C5orf34: variants seen among roughly 807,000 people sequenced by gnomAD.
The protein encoded by C5orf34 is uncharacterized protein C5orf34.
Under a neutral mutation model 78.4 loss-of-function variants are expected in C5orf34, and 73 were observed. That is an observed-to-expected ratio of 0.93 (90% CI 0.77 to 1.13). The LOEUF (loss-of-function observed/expected upper bound fraction) is 1.13, where lower values mean the gene tolerates loss of function less well. C5orf34 is among the 50% of genes most tolerant of loss of function. The probability of loss-of-function intolerance (pLI) is 0.00; values close to 1 mark genes in which losing one functional copy is unlikely to be tolerated. For synonymous variants in C5orf34, 251 were observed against 246.6 expected (o/e 1.02, Z -0.17); for missense variants, 730 against 732.7 (o/e 1.00, Z 0.04).
chr5:43,508,663 G>A lies in C5orf34; in HGVS notation c.199C>T (p.Gln67Ter), dbSNP rs1272613848. The A allele has an allele frequency of 2.5e-6, 4 of 1,578,074 alleles. No homozygotes were observed. Among genetic ancestry groups the A allele is most frequent in the Non-Finnish European group, 1.7e-6 (2 of 1,150,036 alleles). The stretch of plus-strand genomic sequence containing the variant: ...CGAAAATCTAGGGCTCGCTGTAGTT[G>A]CTCCTATGAAAAGAAATATAAAATG... ...THFVISTYRE[Q>*]LQRALDFRNS... is the part of the protein sequence containing the mutation. The change falls in exon 3 of 13, where the codon CAA becomes TAA. Residue 67 changes from glutamine (Q) to a stop codon, truncating the protein, a stop_gained. Coordinates refer to ENST00000306862, the MANE Select transcript of C5orf34 (RefSeq NM_198566.4). LOFTEE classifies it high-confidence loss of function.
chr5:43,502,273 A>C, intron 6 of C5orf34, 99 bp downstream of exon 6: 1 of 1,174,178 alleles, frequency 8.5e-7, no homozygotes, highest in South Asian at 1.3e-5. Flanking sequence ...AGTAGGAAGC[A>C]ATGTTATATA....
intron 6 of C5orf34, chr5:43,495,906 G>T: frequency 6.3e-7 from 1 of 1,592,144 alleles, no homozygotes; most frequent in South Asian, 1.1e-5. Flanking sequence ...ACTGTGTCAG[G>T]GTTGTAACCA....
chr5:43,503,523 T>C, intron 5 of C5orf34, 142 bp downstream of exon 5: 2 of 721,326 alleles, frequency 2.8e-6, no homozygotes, highest in South Asian at 3.0e-5. Context: ...CCTGTAAAAC[T>C]CAGGATCAAA....
chr5:43,494,878 A>C (rs1318713259), intron 6 of C5orf34, among the ~76,000 whole-genome samples: 4 of 152,186 alleles, frequency 2.6e-5, no homozygotes, highest in South Asian at 4.1e-4. Flanking sequence ...TAATAACTTA[A>C]AACTACCACA....
rs1401544955 is a variant in C5orf34, at chr5:43,492,870, G to T, written c.1335C>A (p.Ser445Arg). ...CTTTCAAAACCAAAGGCAGTATATT[G>T]CTATCATTTATCCCAGGTACCTAAA... ...CWKMVPGIND[S>R]NILPLVLKES... Residue 445 changes from serine to arginine, a missense_variant, in exon 9 of 13, where the codon AGC (serine) becomes AGA (arginine). By Grantham distance (110) the Ser-to-Arg change is moderately radical. Coordinates refer to ENST00000306862, the MANE Select transcript of C5orf34 (RefSeq NM_198566.4). 3 of 1,602,126 alleles carry T rather than the reference G, an allele frequency of 1.9e-6. No individual in the cohort carries two copies. The highest frequency in any genetic ancestry group is 2.6e-6 in the Non-Finnish European group (3 of 1,173,162).
chr5:43,495,802 C>T, intron 6 of C5orf34: 1 of 1,578,014 alleles, frequency 6.3e-7, no homozygotes, highest in Non-Finnish European at 8.7e-7. Context: ...CACTGCCATC[C>T]TTACGGGTGG....
In C5orf34 at chr5:43,487,108, A is replaced by T. The variant is rs140365787; in HGVS notation, c.1724T>A (p.Leu575Gln). ...ELEKIQKFNL[L>Q]LENSGILNQI... is the part of the protein sequence containing the mutation. ...GTTTAGGATACCACTATTTTCTAGT[A>T]GCACTAAGTTGCTTAGTTAAGGAGG... The change falls in exon 13 of 13, where the codon CTA becomes CAA. Residue 575 changes from leucine (L) to glutamine (Q), a missense_variant. Transcript: ENST00000306862. The T allele has an allele frequency of 6.6e-7, 1 of 1,507,966 alleles. No individual in the cohort carries two copies. The allele number at this position is 1,507,966 out of a possible 1,614,324, so 93.4% of individuals were successfully genotyped here. A position where few individuals can be genotyped will look rare whatever the true frequency, so the allele number is the denominator to read the frequency against.
At chr5:43,497,412 C>T (rs6451707) in intron 6 of C5orf34, among the ~76,000 whole-genome samples, 152,093 of 152,336 alleles carry the variant, frequency 1, 75,925 homozygotes, top group Non-Finnish European at 1. Context: ...AATGCTTGTT[C>T]TTCAGATGAG....
At position 43,495,787 on chromosome 5, in the gene C5orf34, G is replaced by A. The variant is rs553984198; in HGVS notation, c.1153-1186C>T. ...CCAGAGCCTCAAGCAGCATGGTGCC[G>A]CTGGCACTGCCATCCTTACGGGTGG... On this transcript the variant is annotated intron_variant, in intron 6 of 12. Coordinates refer to ENST00000306862, the MANE Select transcript of C5orf34 (RefSeq NM_198566.4). The A allele has an allele frequency of 4.4e-4, 697 of 1,573,544 alleles. 1 individual carries two copies. Among genetic ancestry groups the A allele is most frequent in the South Asian group, 3.2e-3 (290 of 90,074 alleles).
At position 43,505,736 on chromosome 5, in the gene C5orf34, T is replaced by C; in HGVS notation, c.932+12A>G. On this transcript the variant is annotated intron_variant, in intron 4 of 12. Transcript: ENST00000306862. ...TAAAAAGCTTCATGACCAATAGCCA[T>C]TACTGCATTACCTGTGTAGGTGTGG... 6.5e-7 allele frequency: 1 copy of C among 1,529,400 alleles called. No individual in the cohort carries two copies. 94.7% of individuals were successfully genotyped at this position (1,529,400 alleles called of 1,614,324 possible).
rs1366641006 is a variant in C5orf34, at chr5:43,490,643, A to G, written c.1667T>C (p.Leu556Pro). The change falls in exon 11 of 13, where the codon CTC becomes CCC. Residue 556 changes from leucine to proline, a missense_variant. Coordinates refer to ENST00000306862, the MANE Select transcript of C5orf34 (RefSeq NM_198566.4). ...AAAAGAAAAATACCAATTTTCTTGG[A>G]GAACAGAAGATGACGAATGAGTGGG... is the stretch of plus-strand genomic sequence containing the variant. ...EMPTHSSSSV[L>P]QENWSVASEL... The G allele has an allele frequency of 1.2e-5, 19 of 1,603,234 alleles. No homozygotes were observed. Among genetic ancestry groups the G allele is most frequent in the Non-Finnish European group, 1.5e-5 (18 of 1,170,492 alleles).
At chr5:43,494,652 T>C in intron 6 of C5orf34, 51 bp from the exon 7 acceptor site, 1 of 1,084,486 alleles carries the variant, frequency 9.2e-7, no homozygotes. Flanking sequence ...TTTTGGCCTT[T>C]ATTACTTAGC....
chr5:43,504,784 T>C (rs1377997524), intron 4 of C5orf34, among the ~76,000 whole-genome samples: 2 of 152,236 alleles, frequency 1.3e-5, no homozygotes, highest in Non-Finnish European at 2.9e-5. Context: ...CTAAACATCA[T>C]GGTAAGTTAT....
chr5:43,504,436 A>C (rs1358732751), intron 4 of C5orf34, among the ~76,000 whole-genome samples: 1 of 152,192 alleles, frequency 6.6e-6, no homozygotes, highest in Non-Finnish European at 1.5e-5. Flanking sequence ...ATTGAGTGTA[A>C]AGAAGAGGCA....
chr5:43,509,287 T>C lies in C5orf34; in HGVS notation c.53A>G (p.Gln18Arg). 1 of 1,614,006 alleles carries C rather than the reference T, an allele frequency of 6.2e-7. No individual in the cohort carries two copies. The highest frequency in any genetic ancestry group is 8.5e-7 in the Non-Finnish European group (1 of 1,179,964). Residue 18 changes from glutamine (Q) to arginine (R), a missense_variant, in exon 2 of 13, where the codon CAA becomes CGA. Transcript: ENST00000306862. ...ILYEDDSVQV[Q>R]YVDGSTLQLS... is the part of the protein sequence containing the mutation. Reference sequence around the variant, plus strand: ...TTGCAATGTGGAACCATCAACATATTGTACTTGTACTGAATCATCTTCATA... The same window carrying C: ...TTGCAATGTGGAACCATCAACATATCGTACTTGTACTGAATCATCTTCATA...
At position 43,506,281 on chromosome 5, in the gene C5orf34, G is replaced by A; in HGVS notation, c.399C>T (p.Tyr133=). ...CATGCTGAGATCTGGGCAGGCAGAG[G>A]TATGCATGACCATCTAAAGATGTTA... ...VKITSLDGHA[Y]LCLPRSQHEF... Residue 133 remains tyrosine, a synonymous_variant, in exon 4 of 13, where the codon TAC becomes TAT. Transcript: ENST00000306862. 1.2e-6 allele frequency: 2 copies of A among 1,614,102 alleles called. No individual in the cohort carries two copies. Among genetic ancestry groups the A allele is most frequent in the Non-Finnish European group, 1.7e-6 (2 of 1,180,016 alleles).
chr5:43,503,803 T>C (rs867105224), intron 4 of C5orf34, 43 bp from the exon 5 acceptor site: 23 of 1,314,450 alleles, frequency 1.7e-5, no homozygotes, highest in Middle Eastern at 2.0e-4. Context: ...GGTTGCTCAA[T>C]ATAATTGTCT....
At chr5:43,511,571 G>A (rs558222899) in intron 1 of C5orf34, among the ~76,000 whole-genome samples, 4 of 152,348 alleles carry the variant, frequency 2.6e-5, no homozygotes, top group East Asian at 3.9e-4. Context: ...TGACGATGGC[G>A]GTTTTGTCAA....
intron 6 of C5orf34, among the ~76,000 whole-genome samples, chr5:43,502,009 A>G (rs1372374697): frequency 6.6e-6 from 1 of 152,200 alleles, no homozygotes; most frequent in African/African-American, 2.4e-5. Context: ...AAAATACACA[A>G]TTACATGGTG....
Sources: allele counts gnomAD v4.1 joint callset (sites outside exome capture counted in the v4.1 genomes callset), GRCh38; gene constraint gnomAD v4.1.1; transcripts MANE v1.5; gene names NCBI Gene and HGNC (gene_info 2026-07-23, HGNC 2026-07-21).